The following CACNG3 variants were observed in gnomAD, a reference collection of about 807,000 sequenced individuals.
CACNG3 encodes calcium voltage-gated channel auxiliary subunit gamma 3.
Under a neutral mutation model 28.5 loss-of-function variants are expected in CACNG3, and 3 were observed. The observed-to-expected ratio is 0.11, with a 90% confidence interval of 0.05 to 0.27. The LOEUF is 0.27. Ranked by LOEUF, CACNG3 falls within the 10% of genes least tolerant of loss-of-function variation. The probability of loss-of-function intolerance (pLI) is 1.00; values close to 1 mark genes in which losing one functional copy is unlikely to be tolerated. For synonymous variants in CACNG3, 174 were observed against 162.2 expected (o/e 1.07, Z -0.55); for missense variants, 236 against 414.4 (o/e 0.57, Z 3.74).
intron 1 of CACNG3, among the ~76,000 whole-genome samples, chr16:24,327,126 CAAAAAAAAAAAAAAAA>C (rs57918697): frequency 5.6e-5 from 2 of 35,820 alleles, no homozygotes; most frequent in African/African-American, 2.7e-4. Flanking sequence ...GGCTCCAAAC[CAAAAAAAAAAAAAAAA>C]AAAAAAAAAA....
intron 1 of CACNG3, among the ~76,000 whole-genome samples, chr16:24,307,273 C>G (rs1251279059): frequency 6.6e-6 from 1 of 152,150 alleles, no homozygotes; most frequent in African/African-American, 2.4e-5. Flanking sequence ...AGGCACACAC[C>G]ACCATACCCA....
At chr16:24,322,216 T>C (rs1254039129) in intron 1 of CACNG3, among the ~76,000 whole-genome samples, 1 of 152,162 alleles carries the variant, frequency 6.6e-6, no homozygotes, top group Non-Finnish European at 1.5e-5. Context: ...CCATTTGGAT[T>C]GAAATGCTCA....
chr16:24,275,734 T>C (rs1567208412), intron 1 of CACNG3, among the ~76,000 whole-genome samples: 1 of 152,226 alleles, frequency 6.6e-6, no homozygotes, highest in Non-Finnish European at 1.5e-5. Context: ...ATTATGATTT[T>C]GGAAAACTTG....
chr16:24,317,594 G>GGA lies in CACNG3; in HGVS notation c.212-29140_212-29139insGA, dbSNP rs1215331305. 6.6e-3 allele frequency among the ~76,000 whole-genome samples: 396 copies of GGA among 60,256 alleles called. 6 individuals carry two copies. Among genetic ancestry groups the GGA allele is most frequent in the Non-Finnish European group, 8.6e-3 (278 of 32,204 alleles). 39.5% of individuals were successfully genotyped at this position (60,256 alleles called of 152,430 possible). ...AGAAAGAAAGAAAGAAAGAAAGAAA[G>GGA]AAAGAAAGAAAGAAAGAAAGAAAGA... On this transcript the variant is annotated intron_variant, in intron 1 of 3. Coordinates refer to ENST00000005284, the MANE Select transcript of CACNG3 (RefSeq NM_006539.4).
chr16:24,307,397 C>T (rs1417562995), intron 1 of CACNG3, among the ~76,000 whole-genome samples: 1 of 152,154 alleles, frequency 6.6e-6, no homozygotes, highest in Non-Finnish European at 1.5e-5. Flanking sequence ...GCTAGGATTA[C>T]AGACATGAGC....
chr16:24,331,917 A>G (rs8057751), intron 1 of CACNG3, among the ~76,000 whole-genome samples: 2,859 of 152,248 alleles, frequency 0.019, 85 homozygotes, highest in African/African-American at 0.065. Context: ...TGTCCACCCA[A>G]TCTCACGACT....
rs1898601018 is a variant in CACNG3, at chr16:24,265,663, A to G, written c.211+8698A>G. On this transcript the variant is annotated intron_variant, in intron 1 of 3. Coordinates refer to ENST00000005284, the MANE Select transcript of CACNG3 (RefSeq NM_006539.4). Reference sequence around the variant, plus strand: ...GCCCATAGCTAAAAATATTTTGTACATTTTAAAATGGTTGAAAAATTAAGT... The same window carrying G: ...GCCCATAGCTAAAAATATTTTGTACGTTTTAAAATGGTTGAAAAATTAAGT... Among the ~76,000 whole-genome samples the G allele has an allele frequency of 4.6e-5, 7 of 152,320 alleles. No individual in the cohort carries two copies. The South Asian group carries it at 1.5e-3, about 32-fold the overall frequency.
chr16:24,339,294 G>T (rs1453316948), intron 1 of CACNG3, among the ~76,000 whole-genome samples: 1 of 151,908 alleles, frequency 6.6e-6, no homozygotes, highest in Non-Finnish European at 1.5e-5. Context: ...CAGCTTTATT[G>T]TATGGCTTAA....
intron 1 of CACNG3, among the ~76,000 whole-genome samples, chr16:24,277,779 CAAAAAA>C (rs34379768): frequency 1.0e-5 from 1 of 97,762 alleles, no homozygotes; most frequent in African/African-American, 3.8e-5. Flanking sequence ...GACTCCATCT[CAAAAAA>C]AAAAAAAAAA....
At chr16:24,264,297 ACT>A (rs1898570859) in intron 1 of CACNG3, among the ~76,000 whole-genome samples, 1 of 152,096 alleles carries the variant, frequency 6.6e-6, no homozygotes, top group South Asian at 2.1e-4. Flanking sequence ...TTCCGAACTG[ACT>A]CTATCCAAAG....
chr16:24,323,339 A>C, intron 1 of CACNG3, among the ~76,000 whole-genome samples: 1 of 151,908 alleles, frequency 6.6e-6, no homozygotes, highest in East Asian at 1.9e-4. Context: ...TGCTGCCTAT[A>C]CTAGACCCTA....
intron 1 of CACNG3, among the ~76,000 whole-genome samples, chr16:24,282,238 G>A (rs1898838618): frequency 2.0e-5 from 3 of 152,232 alleles, no homozygotes; most frequent in East Asian, 1.9e-4. Flanking sequence ...ATTAAACAGT[G>A]GAACAGAGAC....
At chr16:24,313,611 G>A (rs2141365954) in intron 1 of CACNG3, among the ~76,000 whole-genome samples, 1 of 152,114 alleles carries the variant, frequency 6.6e-6, no homozygotes, top group East Asian at 1.9e-4. Flanking sequence ...TCCTGAGCCA[G>A]GCACATGTCA....
intron 1 of CACNG3, among the ~76,000 whole-genome samples, chr16:24,325,453 C>G (rs560596962): frequency 3.8e-4 from 58 of 152,334 alleles, no homozygotes; most frequent in African/African-American, 1.2e-3. Flanking sequence ...ACACTCGGGA[C>G]CCTGGGAGCT....
chr16:24,346,818 G>A lies in CACNG3; in HGVS notation c.295+1G>A, dbSNP rs1899875156. On this transcript the variant is annotated splice_donor_variant, in intron 2 of 3. Coordinates refer to ENST00000005284, the MANE Select transcript of CACNG3 (RefSeq NM_006539.4). LOFTEE classifies it high-confidence loss of function. ...CAGGACACAGCCGAATATCTCCTGC[G>A]TAAGTTCCCCGGCTTCTCGGGTCTC... The A allele has an allele frequency of 6.2e-7, 1 of 1,613,168 alleles. No homozygotes were observed. Among genetic ancestry groups the A allele is most frequent in the Non-Finnish European group, 8.5e-7 (1 of 1,179,118 alleles).
Position 24,277,201 on chromosome 16 carries a change from G to A in CACNG3, c.211+20236G>A, listed in dbSNP as rs545989515. On this transcript the variant is annotated intron_variant, in intron 1 of 3. Coordinates refer to ENST00000005284, the MANE Select transcript of CACNG3 (RefSeq NM_006539.4). Reference sequence around the variant, plus strand: ...CCTGTCCTCAGTCCATGTGGTTTGGGTGGAACTGACTCCAGCCTAGCAGGA... The same window carrying A: ...CCTGTCCTCAGTCCATGTGGTTTGGATGGAACTGACTCCAGCCTAGCAGGA... 1.1e-4 allele frequency among the ~76,000 whole-genome samples: 16 copies of A among 152,302 alleles called. No homozygotes were observed. The South Asian group carries it at 2.3e-3, about 22-fold the overall frequency.
chr16:24,287,670 C>T (rs1013551558), intron 1 of CACNG3, among the ~76,000 whole-genome samples: 1 of 152,178 alleles, frequency 6.6e-6, no homozygotes, highest in African/African-American at 2.4e-5. Context: ...CCATCCTACC[C>T]AGTGTCTTGT....
At position 24,285,267 on chromosome 16, in the gene CACNG3, A is replaced by C. The variant is rs7191063; in HGVS notation, c.211+28302A>C. Among the ~76,000 whole-genome samples the C allele has an allele frequency of 9.6e-3, 1,463 of 152,348 alleles. 31 individuals are homozygous for C. Among genetic ancestry groups the C allele is most frequent in the African/African-American group, 0.034 (1,416 of 41,574 alleles). On this transcript the variant is annotated intron_variant, in intron 1 of 3. Coordinates refer to ENST00000005284, the MANE Select transcript of CACNG3 (RefSeq NM_006539.4). ...TTAGCTATGTGGTCTCCAATATCAC[A>C]AGGTTACCAAAACCATTTTTTAAAT... is the stretch of plus-strand genomic sequence containing the variant.
chr16:24,265,238 T>TGAAA (rs1898581994), intron 1 of CACNG3, among the ~76,000 whole-genome samples: 1 of 129,432 alleles, frequency 7.7e-6, no homozygotes, highest in African/African-American at 3.4e-5. Flanking sequence ...TGAGACTGTG[T>TGAAA]GAAAGAAAGA....
Sources: gnomAD v4.1 joint callset for allele counts (sites outside exome capture counted in the v4.1 genomes callset) on GRCh38, gnomAD v4.1.1 for gene constraint, MANE v1.5 for transcripts, NCBI Gene and HGNC (gene_info 2026-07-23, HGNC 2026-07-21) for gene names.